Variants in LRRC63 observed in about 807,000 individuals in gnomAD.
The protein encoded by LRRC63 is leucine rich repeat containing 63, also known as leucine-rich repeat-containing protein 63.
LRRC63 carries 40 observed loss-of-function variants against 49.5 expected under a neutral mutation model. That is an observed-to-expected ratio of 0.81 (90% CI 0.63 to 1.05). The LOEUF (loss-of-function observed/expected upper bound fraction) is 1.05. Among genes scored for constraint, LRRC63 ranks in the 50% least tolerant of loss-of-function variants. LRRC63 has a pLI of 0.00. For missense variants in LRRC63, 636 were observed against 663.1 expected, an observed-to-expected ratio of 0.96 and a Z score of 0.45; for synonymous variants, 191 against 221.1, an observed-to-expected ratio of 0.86 and a Z score of 1.21.
At chr13:46,219,843 T>C (rs1315114513) in intron 2 of LRRC63, among the ~76,000 whole-genome samples, 1 of 152,230 alleles carries the variant, frequency 6.6e-6, no homozygotes, top group African/African-American at 2.4e-5. Flanking sequence ...TATTTTTTCC[T>C]TCCATCAGTC....
chr13:46,231,961 G>A (rs140302827), intron 4 of LRRC63, among the ~76,000 whole-genome samples: 1,853 of 150,806 alleles, frequency 0.012, 37 homozygotes, highest in African/African-American at 0.042. Context: ...GACTACAGGC[G>A]CCCGCCACCA....
chr13:46,245,552 G>A (rs1049399616), intron 5 of LRRC63, among the ~76,000 whole-genome samples: 1 of 152,078 alleles, frequency 6.6e-6, no homozygotes, highest in Non-Finnish European at 1.5e-5. Context: ...ATCTAGAAAA[G>A]TACCAAATAT....
chr13:46,223,430 A>G (rs1411577793), intron 2 of LRRC63, among the ~76,000 whole-genome samples: 1 of 147,300 alleles, frequency 6.8e-6, no homozygotes, highest in Non-Finnish European at 1.5e-5. Flanking sequence ...TTTTTCCTCC[A>G]TCTGTGAAGG....
At chr13:46,259,123 GGGGCCTCCTATTAGT>G (rs1195559880) in intron 7 of LRRC63, among the ~76,000 whole-genome samples, 1 of 152,104 alleles carries the variant, frequency 6.6e-6, no homozygotes, top group African/African-American at 2.4e-5. Context: ...AGAAAGAACA[GGGGCCTCCTATTAGT>G]GGCCAGTGGA....
intron 5 of LRRC63, among the ~76,000 whole-genome samples, chr13:46,241,659 A>T (rs112244349): frequency 2.0e-5 from 3 of 152,224 alleles, no homozygotes; most frequent in African/African-American, 7.2e-5. Context: ...AAAAGTGGGC[A>T]AAGGCCATGA....
intron 8 of LRRC63, among the ~76,000 whole-genome samples, chr13:46,262,226 A>G (rs957370572): frequency 2.6e-5 from 4 of 152,170 alleles, no homozygotes; most frequent in Non-Finnish European, 5.9e-5. Context: ...ACGATAAGCT[A>G]CTTATGTCCA....
chr13:46,273,601 T>TAAAAA (rs66994107), intron 9 of LRRC63, among the ~76,000 whole-genome samples: 3,701 of 109,226 alleles, frequency 0.034, 88 homozygotes, highest in Middle Eastern at 0.055. Context: ...GAATCTGCCT[T>TAAAAA]AAAAAAAAAA....
Position 46,212,271 on chromosome 13 carries a change from A to C in LRRC63, c.-34+12A>C, listed in dbSNP as rs923752150. ...GTTATCTTTTGGCGGTAAACGGCCCATTTGTGCAGTTTCAGGGTGTTCCCT... is the reference window on the plus strand; with the variant it reads ...GTTATCTTTTGGCGGTAAACGGCCCCTTTGTGCAGTTTCAGGGTGTTCCCT... On this transcript the variant is annotated intron_variant, in intron 1 of 9. Coordinates refer to ENST00000595396, the Ensembl canonical transcript of LRRC63. The C allele has an allele frequency of 6.6e-6, 1 of 152,208 alleles. No homozygotes were observed. The highest frequency in any genetic ancestry group is 2.1e-4 in the South Asian group (1 of 4,830). 9.4% of individuals were successfully genotyped at this position (152,208 alleles called of 1,614,324 possible). A position where few individuals can be genotyped will look rare whatever the true frequency, so the allele number is the denominator to read the frequency against.
At chr13:46,211,954 C>T (rs918062685) in exon 1 of LRRC63, 1 of 152,610 alleles carries the variant, frequency 6.6e-6, no homozygotes, top group Non-Finnish European at 1.5e-5. Flanking sequence ...TAGCGGACCC[C>T]GGTTGCTAGG....
At chr13:46,255,671 T>TATA (rs1487104632) in intron 7 of LRRC63, among the ~76,000 whole-genome samples, 2 of 148,380 alleles carry the variant, frequency 1.3e-5, no homozygotes, top group South Asian at 2.2e-4. Flanking sequence ...TATATAGTTA[T>TATA]TAGTAACCTC....
chr13:46,227,632 A>G (rs1434775744), exon 3 of LRRC63: 3 of 1,550,240 alleles, frequency 1.9e-6, no homozygotes, highest in South Asian at 2.4e-5. Flanking sequence ...ACACCTATCA[A>G]TATCCAAAAT....
At chr13:46,252,845 C>T (rs574512300) in intron 7 of LRRC63, among the ~76,000 whole-genome samples, 5 of 151,668 alleles carry the variant, frequency 3.3e-5, no homozygotes, top group Non-Finnish European at 5.9e-5. Flanking sequence ...GAGGGCAATG[C>T]CAAGTGGTAA....
At chr13:46,212,900 T>G (rs2046135155) in intron 1 of LRRC63, 102 bp from the exon 2 acceptor site, 1 of 622,372 alleles carries the variant, frequency 1.6e-6, no homozygotes, top group Non-Finnish European at 2.8e-6. Flanking sequence ...TTCAGTAGAG[T>G]ATTGGTACAG....
exon 3 of LRRC63, chr13:46,227,565 A>G: frequency 6.5e-7 from 1 of 1,547,568 alleles, no homozygotes; most frequent in East Asian, 2.4e-5. Context: ...AGATGAAACC[A>G]CTTCCATTAA....
chr13:46,268,983 G>GA (rs11412724), intron 9 of LRRC63, among the ~76,000 whole-genome samples: 56,175 of 151,644 alleles, frequency 0.37, 10,588 homozygotes, highest in Middle Eastern at 0.46. Flanking sequence ...AACATTTATG[G>GA]AAAAAGCTGA....
At chr13:46,230,089 C>A (rs1164960924) in intron 4 of LRRC63, among the ~76,000 whole-genome samples, 1 of 152,116 alleles carries the variant, frequency 6.6e-6, no homozygotes, top group Non-Finnish European at 1.5e-5. Context: ...CCACCAGGCC[C>A]CATGTCCAAC....
rs934947337 is a variant in LRRC63 at position 46,233,401 on chromosome 13, C to A, written c.833-791C>A. 1.5e-4 allele frequency among the ~76,000 whole-genome samples: 23 copies of A among 152,238 alleles called. No individual in the cohort carries two copies. The South Asian group carries it at 4.8e-3, about 32-fold the overall frequency. ...TTGATCTGAAATGGGCACAGAGGTT[C>A]TATTTTAGAAATTAAAAACCTTTTT... On this transcript the variant is annotated intron_variant, in intron 4 of 9. Transcript: ENST00000595396.
chr13:46,270,258 A>G, intron 9 of LRRC63: 1 of 890,854 alleles, frequency 1.1e-6, no homozygotes, highest in Non-Finnish European at 1.9e-6. Flanking sequence ...CAGAGTGGAA[A>G]AACAATTAAA....
chr13:46,276,854 A>ATATATATATATT (rs1555330630), exon 10 of LRRC63: 3,225 of 117,650 alleles, frequency 0.027, 79 homozygotes, highest in Middle Eastern at 0.04. Flanking sequence ...ATATATATTT[A>ATATATATATATT]TATATATATA....
Sources: gnomAD v4.1 joint callset for allele counts (sites outside exome capture counted in the v4.1 genomes callset) on GRCh38, gnomAD v4.1.1 for gene constraint, MANE v1.5 for transcripts, NCBI Gene and HGNC (gene_info 2026-07-23, HGNC 2026-07-21) for gene names.